MCF2: variants seen among roughly 807,000 people sequenced by gnomAD.
MCF2 encodes proto-oncogene DBL.
In MCF2, 44 loss-of-function variants were observed where a neutral mutation model predicts 82.5. The ratio of observed to expected loss-of-function variants is 0.53; its 90% confidence interval spans 0.42 to 0.69. MCF2 has a LOEUF of 0.69. Ranked by LOEUF, MCF2 falls within the 30% of genes least tolerant of loss-of-function variation. The probability of loss-of-function intolerance (pLI) is 0.00; values close to 1 mark genes in which losing one functional copy is unlikely to be tolerated. For synonymous variants in MCF2, 217 were observed against 224.9 expected (o/e 0.96, Z 0.32); for missense variants, 623 against 663.1 (o/e 0.94, Z 0.66).
rs148842701 is a variant in MCF2, at chrX:139,674,485, G to A, written c.-44-22697C>T. On this transcript the variant is annotated intron_variant, in intron 1 of 27. Coordinates refer to the MCF2 transcript ENST00000414978. Reference sequence around the variant, plus strand: ...CTGGTTGTTCCTTTCCATGTTTAGTGCTTCCTTCAAGAGCTCTTGTAAGGC... The same window carrying A: ...CTGGTTGTTCCTTTCCATGTTTAGTACTTCCTTCAAGAGCTCTTGTAAGGC... 8.2e-3 allele frequency among the ~76,000 whole-genome samples: 917 copies of A among 111,788 alleles called. 7 individuals are homozygous for A. Among genetic ancestry groups the A allele is most frequent in the African/African-American group, 0.027 (836 of 30,703 alleles).
At chrX:139,624,800 A>C (rs181894451) in intron 6 of MCF2, among the ~76,000 whole-genome samples, 1 of 111,844 alleles carries the variant, frequency 8.9e-6, no homozygotes, top group African/African-American at 3.2e-5. Flanking sequence ...TACTATGGTT[A>C]TATAACAGAA....
intron 2 of MCF2, among the ~76,000 whole-genome samples, chrX:139,648,053 A>C (rs1418045148): frequency 8.9e-6 from 1 of 112,049 alleles, no homozygotes; most frequent in Non-Finnish European, 1.9e-5. Context: ...TTTTTAATTC[A>C]ATCTGCAATA....
At chrX:139,692,172 G>C in intron 1 of MCF2, 1 of 1,013,187 alleles carries the variant, frequency 9.9e-7, no homozygotes, top group South Asian at 2.1e-5. Context: ...CCGGGCCCCT[G>C]CCGCTGCCAT....
At chrX:139,660,478 T>G (rs148957404) in intron 1 of MCF2, among the ~76,000 whole-genome samples, 2,750 of 112,392 alleles carry the variant, frequency 0.024, 92 homozygotes, top group African/African-American at 0.084. Context: ...CTAAATCCTG[T>G]GCAAGGCAGA....
chrX:139,679,919 C>T (rs1447164196), intron 1 of MCF2, among the ~76,000 whole-genome samples: 6 of 110,017 alleles, frequency 5.5e-5, no homozygotes, highest in African/African-American at 1.6e-4. Flanking sequence ...TGAGCTCCCT[C>T]ATCTTTTCAA....
intron 16 of MCF2, among the ~76,000 whole-genome samples, chrX:139,599,549 A>G (rs1603278613): frequency 9.0e-6 from 1 of 110,891 alleles, no homozygotes; most frequent in African/African-American, 3.3e-5. Flanking sequence ...CCTGCCCTCC[A>G]CAAAGTCTCA....
chrX:139,601,474 C>T (rs1295795395), intron 16 of MCF2, among the ~76,000 whole-genome samples: 1 of 111,656 alleles, frequency 9.0e-6, no homozygotes, highest in East Asian at 2.8e-4. Flanking sequence ...ATAATTATTT[C>T]TTACCTAGAA....
chrX:139,635,220 C>A (rs1284039776), intron 1 of MCF2, among the ~76,000 whole-genome samples: 5 of 111,547 alleles, frequency 4.5e-5, no homozygotes, highest in Non-Finnish European at 9.4e-5. Context: ...AAGAGCCCTG[C>A]TGCTGGGGAA....
chrX:139,619,631 T>C (rs764374301), exon 7 of MCF2: 6 of 1,166,015 alleles, frequency 5.1e-6, no homozygotes, highest in Non-Finnish European at 7.0e-6. Flanking sequence ...ATTTTTTGTT[T>C]TACTTGAGCT....
intron 1 of MCF2, among the ~76,000 whole-genome samples, chrX:139,673,718 G>A (rs903375538): frequency 1.8e-5 from 2 of 111,898 alleles, no homozygotes; most frequent in Admixed American, 9.5e-5. Flanking sequence ...CGTTTGCTGA[G>A]GAGTGCTTTA....
At chrX:139,701,780 C>A (rs1309242411) in intron 1 of MCF2, among the ~76,000 whole-genome samples, 1 of 112,548 alleles carries the variant, frequency 8.9e-6, no homozygotes, top group Non-Finnish European at 1.9e-5. Flanking sequence ...AAAGCACACA[C>A]ATAAGATTCT....
At chrX:139,697,205 A>G (rs756059204) in intron 1 of MCF2, among the ~76,000 whole-genome samples, 1 of 112,256 alleles carries the variant, frequency 8.9e-6, no homozygotes, top group East Asian at 2.8e-4. Flanking sequence ...TCTGGAACCA[A>G]TGAAAGGTAG....
At chrX:139,676,363 G>C (rs1275041748) in intron 1 of MCF2, among the ~76,000 whole-genome samples, 1 of 112,012 alleles carries the variant, frequency 8.9e-6, no homozygotes, top group Non-Finnish European at 1.9e-5. Flanking sequence ...AGATGAACCA[G>C]GTACCTCAGT....
intron 19 of MCF2, among the ~76,000 whole-genome samples, chrX:139,591,788 C>T (rs1402698682): frequency 3.7e-5 from 4 of 109,301 alleles, no homozygotes; most frequent in African/African-American, 1.3e-4. Context: ...CTCTTGGGGA[C>T]AATGCTCAGT....
chrX:139,609,760 A>G (rs1304599139), intron 11 of MCF2, among the ~76,000 whole-genome samples: 8 of 111,075 alleles, frequency 7.2e-5, no homozygotes, highest in Non-Finnish European at 1.5e-4. Context: ...CAGGAATTAG[A>G]GGCAGCAGTG....
chrX:139,602,265 G>A lies in MCF2; in HGVS notation c.1836+141C>T, dbSNP rs997801493. ...GTTACAAATGTGTTTGTGTGTGTTG[G>A]GGGGGAGGGTGGATTTGCTCTTTAA... On this transcript the variant is annotated intron_variant, in intron 16 of 24. Coordinates refer to ENST00000370576, the Ensembl canonical transcript of MCF2. The A allele has an allele frequency of 6.2e-6, 3 of 487,352 alleles. No individual in the cohort carries two copies. In the African/African-American group the frequency reaches 7.5e-5, roughly 12 times the overall value. The allele number at this position is 487,352 out of a possible 1,213,427, so 40.2% of individuals were successfully genotyped here. A position where few individuals can be genotyped will look rare whatever the true frequency, so the allele number is the denominator to read the frequency against.
intron 1 of MCF2, among the ~76,000 whole-genome samples, 198 bp from the exon 5 acceptor site, chrX:139,632,652 G>T (rs1386816495): frequency 1.8e-5 from 2 of 111,677 alleles, no homozygotes; most frequent in Non-Finnish European, 3.8e-5. Flanking sequence ...CTCCAGGTCA[G>T]ATCCTTGCAA....
At chrX:139,590,849 A>G (rs1385616791) in intron 19 of MCF2, among the ~76,000 whole-genome samples, 2 of 110,487 alleles carry the variant, frequency 1.8e-5, no homozygotes, top group Non-Finnish European at 3.8e-5. Context: ...TACCAAGGAG[A>G]AGAAAAGCAC....
chrX:139,613,287 A>G (rs1431805429), intron 10 of MCF2, 24 bp from the exon 14 acceptor site: 1 of 1,086,693 alleles, frequency 9.2e-7, no homozygotes. Flanking sequence ...TTGTAACGCC[A>G]TTAAATAAGA....
Sources: gnomAD v4.1 joint callset for allele counts (sites outside exome capture counted in the v4.1 genomes callset) on GRCh38, gnomAD v4.1.1 for gene constraint, MANE v1.5 for transcripts, NCBI Gene and HGNC (gene_info 2026-07-23, HGNC 2026-07-21) for gene names.